PPP3CA: variants seen among roughly 807,000 people sequenced by gnomAD.
The protein encoded by PPP3CA is CAM-PRP catalytic subunit.
A neutral mutation model predicts 66.5 loss-of-function variants in PPP3CA; 14 were observed. That is an observed-to-expected ratio of 0.21 (90% CI 0.14 to 0.33). The LOEUF (loss-of-function observed/expected upper bound fraction) is 0.33. Among genes scored for constraint, PPP3CA ranks in the 10% least tolerant of loss-of-function variants. PPP3CA has a pLI of 1.00. For synonymous variants in PPP3CA, 232 were observed against 226.2 expected (o/e 1.03, Z -0.23); for missense variants, 317 against 639.5 (o/e 0.50, Z 5.44).
chr4:101,069,234 T>C (rs1321783130), intron 8 of PPP3CA, among the ~76,000 whole-genome samples: 1 of 152,126 alleles, frequency 6.6e-6, no homozygotes, highest in African/African-American at 2.4e-5. Context: ...CTGAAATATT[T>C]TGTTATTAGT....
At chr4:101,193,306 G>A (rs909053882) in intron 2 of PPP3CA, among the ~76,000 whole-genome samples, 11 of 152,018 alleles carry the variant, frequency 7.2e-5, no homozygotes, top group Admixed American at 5.2e-4. Context: ...GTTTTTCAAC[G>A]TTCCATTTGT....
chr4:101,346,661 A>AGG, intron 1 of PPP3CA, 78 bp downstream of exon 1: 2 of 1,156,092 alleles, frequency 1.7e-6, no homozygotes, highest in Non-Finnish European at 2.4e-6. Context: ...GGGGGAGGGG[A>AGG]GGAAAGGCGA....
At chr4:101,242,351 T>C (rs2110235112) in intron 1 of PPP3CA, among the ~76,000 whole-genome samples, 1 of 152,238 alleles carries the variant, frequency 6.6e-6, no homozygotes, top group South Asian at 2.1e-4. Flanking sequence ...TTATGTGAGA[T>C]GACCTGAAAA....
At chr4:101,345,204 A>G (rs1729942499) in intron 1 of PPP3CA, among the ~76,000 whole-genome samples, 1 of 152,190 alleles carries the variant, frequency 6.6e-6, no homozygotes, top group African/African-American at 2.4e-5. Flanking sequence ...TAAAACCAAA[A>G]CAAAAGAAGA....
chr4:101,036,217 CCT>C (rs536518755), intron 11 of PPP3CA, among the ~76,000 whole-genome samples: 149 of 152,200 alleles, frequency 9.8e-4, no homozygotes, highest in Non-Finnish European at 1.6e-3. Flanking sequence ...TGTTTCTACC[CCT>C]TTTACTGTGG....
chr4:101,146,014 C>G (rs1011942840), intron 2 of PPP3CA, among the ~76,000 whole-genome samples: 2 of 152,142 alleles, frequency 1.3e-5, no homozygotes, highest in African/African-American at 4.8e-5. Flanking sequence ...CAGATATTTT[C>G]AAAGTAAACT....
At chr4:101,233,109 A>C (rs189846996) in intron 1 of PPP3CA, among the ~76,000 whole-genome samples, 5 of 151,936 alleles carry the variant, frequency 3.3e-5, no homozygotes, top group Admixed American at 3.3e-4. Flanking sequence ...ACTACACCTA[A>C]AGTATAAAAC....
At position 101,333,270 on chromosome 4, in the gene PPP3CA, G is replaced by GT. The variant is rs70961788; in HGVS notation, c.58+13468dup. ...CTACAGGCATGCACTACCATGCCCA[G>GT]TTTTTTTTTTTTTTTTTTTTTTTTT... On this transcript the variant is annotated intron_variant, in intron 1 of 13. Coordinates refer to ENST00000394854, the MANE Select transcript of PPP3CA (RefSeq NM_000944.5). 9.7e-3 allele frequency among the ~76,000 whole-genome samples: 456 copies of GT among 47,250 alleles called. 116 individuals carry two copies. Among genetic ancestry groups the GT allele is most frequent in the Non-Finnish European group, 0.017 (352 of 20,142 alleles). 31.0% of individuals were successfully genotyped at this position (47,250 alleles called of 152,430 possible).
At chr4:101,058,869 C>T (rs905400416) in intron 10 of PPP3CA, among the ~76,000 whole-genome samples, 1 of 152,018 alleles carries the variant, frequency 6.6e-6, no homozygotes, top group Non-Finnish European at 1.5e-5. Context: ...TATATATTTG[C>T]TGAGTGAATG....
chr4:101,038,920 C>T (rs1727382062), intron 11 of PPP3CA, among the ~76,000 whole-genome samples: 1 of 152,178 alleles, frequency 6.6e-6, no homozygotes, highest in African/African-American at 2.4e-5. Context: ...AGTCACTCAT[C>T]ACTGGGTTCA....
At chr4:101,106,458 A>AGAAG (rs1560605216) in intron 3 of PPP3CA, among the ~76,000 whole-genome samples, 708 of 32,692 alleles carry the variant, frequency 0.022, 161 homozygotes, top group Middle Eastern at 0.051. Flanking sequence ...AGAAAGAGAA[A>AGAAG]AGAAAAGAAA....
rs1722532770 is a variant in PPP3CA at position 101,133,975 on chromosome 4, G to C, written c.260-24897C>G. Among the ~76,000 whole-genome samples, 3 of 152,098 alleles carry C rather than the reference G, an allele frequency of 2.0e-5. No individual in the cohort carries two copies. The South Asian group carries it at 6.2e-4, about 32-fold the overall frequency. Reference sequence around the variant, plus strand: ...CAGCTATCTGATCTTTGACAAACCTGACAAAAAGAAGCAATGAGGGAAGGA... The same window carrying C: ...CAGCTATCTGATCTTTGACAAACCTCACAAAAAGAAGCAATGAGGGAAGGA... On this transcript the variant is annotated intron_variant, in intron 2 of 13. Coordinates refer to ENST00000394854, the MANE Select transcript of PPP3CA (RefSeq NM_000944.5).
At chr4:101,244,760 C>T (rs17030994) in intron 1 of PPP3CA, among the ~76,000 whole-genome samples, 15,948 of 152,154 alleles carry the variant, frequency 0.1, 2,710 homozygotes, top group African/African-American at 0.36. Context: ...ATACATGATT[C>T]AGTTAAGTTT....
chr4:101,132,287 A>T (rs1427186973), intron 2 of PPP3CA, among the ~76,000 whole-genome samples: 1 of 152,112 alleles, frequency 6.6e-6, no homozygotes, highest in African/African-American at 2.4e-5. Context: ...ACACAAAAAA[A>T]CCTTCAAAAA....
At chr4:101,172,138 A>T (rs1723903806) in intron 2 of PPP3CA, among the ~76,000 whole-genome samples, 2 of 152,188 alleles carry the variant, frequency 1.3e-5, no homozygotes, top group African/African-American at 4.8e-5. Context: ...GACTCTCTCA[A>T]TAAGCCCATG....
chr4:101,255,866 A>G (rs1343444716), intron 1 of PPP3CA, among the ~76,000 whole-genome samples: 4 of 151,762 alleles, frequency 2.6e-5, no homozygotes, highest in Non-Finnish European at 5.9e-5. Flanking sequence ...TGTTAATGTT[A>G]TTTTTTCACA....
At position 101,279,185 on chromosome 4, in the gene PPP3CA, T is replaced by C. The variant is rs192731164; in HGVS notation, c.58+67554A>G. 3.8e-4 allele frequency among the ~76,000 whole-genome samples: 58 copies of C among 151,160 alleles called. 1 individual carries two copies. Among genetic ancestry groups the C allele is most frequent in the Middle Eastern group, 3.4e-3 (1 of 294 alleles). ...TGCCTAGAATTAAAAAAGAAAAGGG[T>C]AGCCACACACACACACAATTCAATT... On this transcript the variant is annotated intron_variant, in intron 1 of 13. Coordinates refer to ENST00000394854, the MANE Select transcript of PPP3CA (RefSeq NM_000944.5).
chr4:101,036,028 G>T (rs1304535619), intron 11 of PPP3CA, among the ~76,000 whole-genome samples: 1 of 152,164 alleles, frequency 6.6e-6, no homozygotes, highest in Non-Finnish European at 1.5e-5. Flanking sequence ...CCTGAGACAT[G>T]ACTAGTCGAA....
At chr4:101,194,148 C>T (rs1444819745) in intron 2 of PPP3CA, among the ~76,000 whole-genome samples, 1 of 152,126 alleles carries the variant, frequency 6.6e-6, no homozygotes, top group Non-Finnish European at 1.5e-5. Context: ...CCAATTCCTC[C>T]TCTACCTGAC....
Sources: allele counts gnomAD v4.1 joint callset (sites outside exome capture counted in the v4.1 genomes callset), GRCh38; gene constraint gnomAD v4.1.1; transcripts MANE v1.5; gene names NCBI Gene and HGNC (gene_info 2026-07-23, HGNC 2026-07-21).